TENM2: variants seen among roughly 807,000 people sequenced by gnomAD.
The protein encoded by TENM2 is teneurin-2.
A neutral mutation model predicts 245.2 loss-of-function variants in TENM2; 52 were observed. The ratio of observed to expected loss-of-function variants is 0.21; its 90% CI spans 0.17 to 0.27. TENM2 has a LOEUF of 0.27. TENM2 is among the 10% of genes least tolerant of loss of function. The probability of loss-of-function intolerance (pLI) is 1.00; values close to 1 mark genes in which losing one functional copy is unlikely to be tolerated. For missense variants in TENM2, 3,046 were observed against 3,666.8 expected, an observed-to-expected ratio of 0.83 and a Z score of 4.37; for synonymous variants, 1,363 against 1,438.9, an observed-to-expected ratio of 0.95 and a Z score of 1.19.
At chr5:167,058,124 G>A in the TENM2 span, among the ~76,000 whole-genome samples, 1 of 152,160 alleles carries the variant, frequency 6.6e-6, no homozygotes, top group Admixed American at 6.5e-5. Flanking sequence ...TCTAAGAAGA[G>A]TTGTTGATTT....
At chr5:167,907,568 T>C (rs1776207990) in intron 3 of TENM2, among the ~76,000 whole-genome samples, 1 of 118,034 alleles carries the variant, frequency 8.5e-6, no homozygotes, top group South Asian at 2.8e-4. Flanking sequence ...TATATATATA[T>C]ATATGTATGT....
At chr5:168,067,415 A>T (rs910180735) in intron 7 of TENM2, among the ~76,000 whole-genome samples, 1 of 152,230 alleles carries the variant, frequency 6.6e-6, no homozygotes, top group Non-Finnish European at 1.5e-5. Flanking sequence ...AAATGCAAAT[A>T]TGGCAGATTG....
chr5:167,394,567 T>G (rs938200549), intron 2 of TENM2, among the ~76,000 whole-genome samples: 8 of 151,696 alleles, frequency 5.3e-5, no homozygotes, highest in Admixed American at 3.3e-4. Flanking sequence ...TATAAATAAA[T>G]GTATGTATGT....
the TENM2 span, among the ~76,000 whole-genome samples, chr5:167,273,680 T>C: frequency 6.6e-6 from 1 of 152,266 alleles, no homozygotes; most frequent in South Asian, 2.1e-4. Context: ...CTTTTTCCTT[T>C]ATACCAAAAC....
chr5:168,014,788 C>G (rs1445103953), intron 5 of TENM2, among the ~76,000 whole-genome samples: 2 of 152,132 alleles, frequency 1.3e-5, no homozygotes, highest in African/African-American at 4.8e-5. Flanking sequence ...TTCCTGCCCG[C>G]AACCCCTGCC....
intron 2 of TENM2, among the ~76,000 whole-genome samples, chr5:167,725,329 G>A (rs1031981528): frequency 2.0e-5 from 3 of 152,084 alleles, no homozygotes; most frequent in Non-Finnish European, 4.4e-5. Context: ...CTAAACATAT[G>A]TATGTATAGA....
chr5:168,006,589 A>G (rs982048291), intron 5 of TENM2, among the ~76,000 whole-genome samples: 1 of 152,200 alleles, frequency 6.6e-6, no homozygotes, highest in African/African-American at 2.4e-5. Flanking sequence ...GCTTCAATAA[A>G]TGTGTGACAG....
intron 2 of TENM2, among the ~76,000 whole-genome samples, chr5:167,569,773 T>G (rs1774152946): frequency 1.3e-5 from 2 of 152,176 alleles, no homozygotes; most frequent in African/African-American, 4.8e-5. Flanking sequence ...TTTACATGGA[T>G]TAGCTATTAA....
At chr5:167,526,251 T>C (rs1771100263) in intron 2 of TENM2, among the ~76,000 whole-genome samples, 1 of 151,858 alleles carries the variant, frequency 6.6e-6, no homozygotes. Context: ...GCAAGGATAT[T>C]TAAAACTGGG....
chr5:168,202,879 T>A (rs533494876), intron 17 of TENM2, among the ~76,000 whole-genome samples: 2 of 152,252 alleles, frequency 1.3e-5, no homozygotes, highest in South Asian at 4.2e-4. Flanking sequence ...AGCATTCCAA[T>A]TAAAAATGTA....
chr5:167,956,050 A>G (rs1780531426), intron 4 of TENM2, among the ~76,000 whole-genome samples: 2 of 152,144 alleles, frequency 1.3e-5, no homozygotes, highest in African/African-American at 4.8e-5. Context: ...GAATCTATGA[A>G]TTACTTTGGG....
intron 28 of TENM2, among the ~76,000 whole-genome samples, chr5:168,260,813 C>G (rs1768116998): frequency 6.6e-6 from 1 of 152,140 alleles, no homozygotes; most frequent in Non-Finnish European, 1.5e-5. Context: ...CATTTTTATG[C>G]CCCACATAAA....
intron 2 of TENM2, among the ~76,000 whole-genome samples, chr5:167,861,050 AT>A (rs1939511763): frequency 2.1e-4 from 5 of 24,104 alleles, no homozygotes; most frequent in Non-Finnish European, 1.3e-4. Flanking sequence ...AAAAAAAAAA[AT>A]TAAAAAAAAA....
chr5:167,678,184 G>C (rs1191644575), intron 2 of TENM2, among the ~76,000 whole-genome samples: 1 of 152,002 alleles, frequency 6.6e-6, no homozygotes, highest in African/African-American at 2.4e-5. Context: ...TGGAATTACA[G>C]GTGATTTTTC....
rs144970218 is a variant in TENM2, at chr5:167,627,294, T to C, written c.503-248692T>C. ...CAGCAATTTCAGCTATTAACTGGAT[T>C]TCATCTGGGCTCTGATAATTCAGTA... On this transcript the variant is annotated intron_variant, in intron 2 of 28. Coordinates refer to ENST00000518659, the Ensembl canonical transcript of TENM2. Among the ~76,000 whole-genome samples, 857 of 152,268 alleles carry C rather than the reference T, an allele frequency of 5.6e-3. 5 individuals are homozygous for C. Among genetic ancestry groups the C allele is most frequent in the African/African-American group, 0.02 (812 of 41,544 alleles).
chr5:168,162,421 T>A (rs1245475100), intron 12 of TENM2, among the ~76,000 whole-genome samples, 190 bp from the exon 15 acceptor site: 2 of 152,190 alleles, frequency 1.3e-5, no homozygotes, highest in African/African-American at 4.8e-5. Context: ...CCCCTGCATC[T>A]GTGACCCCAC....
At chr5:167,506,067 T>C (rs1769524651) in intron 2 of TENM2, among the ~76,000 whole-genome samples, 1 of 152,076 alleles carries the variant, frequency 6.6e-6, no homozygotes, top group Admixed American at 6.6e-5. Flanking sequence ...TAGTAGGAAT[T>C]AACCAGGAAG....
intron 2 of TENM2, among the ~76,000 whole-genome samples, chr5:167,499,324 G>A (rs1162603490): frequency 1.3e-5 from 2 of 152,186 alleles, no homozygotes; most frequent in Non-Finnish European, 1.5e-5. Flanking sequence ...AGTGGAAGGA[G>A]AGTGGGAGCT....
chr5:167,109,961 CTT>C, the TENM2 span, among the ~76,000 whole-genome samples: 1 of 152,086 alleles, frequency 6.6e-6, no homozygotes. Context: ...TTAGAAAAGT[CTT>C]ATTTTCTTGA....
Sources: gnomAD v4.1 joint callset for allele counts (sites outside exome capture counted in the v4.1 genomes callset) on GRCh38, gnomAD v4.1.1 for gene constraint, MANE v1.5 for transcripts, NCBI Gene and HGNC (gene_info 2026-07-23, HGNC 2026-07-21) for gene names.